Variants in ANKS1B observed in about 807,000 individuals in gnomAD.
ANKS1B encodes the protein ankyrin repeat and sterile alpha motif domain containing 1B.
In ANKS1B, 36 loss-of-function variants were observed where a neutral mutation model predicts 148.3. The ratio of observed to expected loss-of-function variants is 0.24; its 90% CI spans 0.19 to 0.32. The LOEUF (loss-of-function observed/expected upper bound fraction) is 0.32, where lower values mean the gene tolerates loss of function less well. ANKS1B is among the 10% of genes least tolerant of loss of function. The pLI, the probability that ANKS1B is intolerant of heterozygous loss-of-function variation, is 1.00. For missense variants in ANKS1B, 1,157 were observed against 1,542.6 expected (o/e 0.75, Z 4.19); for synonymous variants, 542 against 560.8 (o/e 0.97, Z 0.47).
intron 14 of ANKS1B, chr12:99,155,210 T>C: frequency 8.8e-7 from 1 of 1,133,562 alleles, no homozygotes; most frequent in Non-Finnish European, 1.2e-6. Flanking sequence ...CTTTCCTGTC[T>C]TTTCTTCTTC....
intron 17 of ANKS1B, among the ~76,000 whole-genome samples, chr12:98,952,641 G>A (rs926428544): frequency 1.3e-5 from 2 of 151,974 alleles, no homozygotes; most frequent in African/African-American, 4.8e-5. Context: ...CTTACCTAAC[G>A]TCTTTGCCTA....
intron 17 of ANKS1B, among the ~76,000 whole-genome samples, chr12:98,848,704 G>A (rs201366): frequency 0.88 from 111,941 of 127,364 alleles, 49,363 homozygotes; most frequent in East Asian, 0.99. Context: ...AATTATAGGT[G>A]CATGCCACCA....
At chr12:99,327,249 T>A (rs2086561569) in intron 12 of ANKS1B, among the ~76,000 whole-genome samples, 1 of 110,290 alleles carries the variant, frequency 9.1e-6, no homozygotes, top group African/African-American at 3.6e-5. Flanking sequence ...TTATAATTTA[T>A]TATAATTATA....
intron 14 of ANKS1B, among the ~76,000 whole-genome samples, chr12:99,187,463 G>A (rs539820258): frequency 5.3e-4 from 81 of 152,254 alleles, no homozygotes; most frequent in Admixed American, 2.0e-3. Context: ...TACCCACAAA[G>A]GGAATCTGAT....
chr12:99,113,795 T>G (rs141626467), intron 15 of ANKS1B, among the ~76,000 whole-genome samples: 5 of 152,320 alleles, frequency 3.3e-5, no homozygotes, highest in Admixed American at 1.3e-4. Flanking sequence ...GTGAAACTCT[T>G]ATTTTTAAAG....
Position 99,072,979 on chromosome 12 carries a change from G to A in ANKS1B, c.2625+11946C>T, listed in dbSNP as rs567298633. Among the ~76,000 whole-genome samples the A allele has an allele frequency of 1.1e-4, 16 of 152,222 alleles. No individual in the cohort carries two copies. In the East Asian group the frequency reaches 2.5e-3, roughly 24 times the overall value. ...TAAAAGGAGATACATTTTGCTTACC[G>A]TTTATGCCTGGAGTCGTAATTTTCA... On this transcript the variant is annotated intron_variant, in intron 16 of 26. Coordinates refer to ENST00000683438, the MANE Select transcript of ANKS1B (RefSeq NM_001352186.2).
At chr12:99,501,379 C>T (rs969387597) in intron 10 of ANKS1B, among the ~76,000 whole-genome samples, 1 of 152,074 alleles carries the variant, frequency 6.6e-6, no homozygotes, top group Admixed American at 6.6e-5. Flanking sequence ...ATATTTCTCT[C>T]CAGAGGGATT....
At chr12:99,682,351 A>G (rs754058892) in intron 8 of ANKS1B, among the ~76,000 whole-genome samples, 5 of 152,206 alleles carry the variant, frequency 3.3e-5, no homozygotes, top group Non-Finnish European at 5.9e-5. Flanking sequence ...AAGATAGACC[A>G]TATATGATAG....
chr12:99,699,848 G>A lies in ANKS1B; in HGVS notation c.1129-44638C>T, dbSNP rs535371354. Among the ~76,000 whole-genome samples, 3 of 152,296 alleles carry A rather than the reference G, an allele frequency of 2.0e-5. No individual in the cohort carries two copies. In the South Asian group the frequency reaches 6.2e-4, roughly 32 times the overall value. ...AATTCAGAGAAATCTTTGCCTTCAA[G>A]CATATTTAAAATAAGCTGTTTGCAT... On this transcript the variant is annotated intron_variant, in intron 8 of 26. Transcript: ENST00000683438.
intron 22 of ANKS1B, among the ~76,000 whole-genome samples, chr12:98,793,247 G>A (rs1008759278): frequency 6.6e-6 from 1 of 152,252 alleles, no homozygotes; most frequent in Non-Finnish European, 1.5e-5. Flanking sequence ...TAATGATATT[G>A]AGCATTTTTT....
At chr12:98,858,899 G>C (rs370408518) in intron 17 of ANKS1B, among the ~76,000 whole-genome samples, 1 of 152,116 alleles carries the variant, frequency 6.6e-6, no homozygotes, top group South Asian at 2.1e-4. Context: ...TTTGTTCTCT[G>C]TAAAATGAGA....
At chr12:99,108,502 A>T (rs2059667184) in intron 15 of ANKS1B, among the ~76,000 whole-genome samples, 1 of 152,230 alleles carries the variant, frequency 6.6e-6, no homozygotes, top group African/African-American at 2.4e-5. Context: ...GTTCATAAAT[A>T]ACATTCAGCA....
At chr12:99,245,501 C>T (rs2153968916) in intron 13 of ANKS1B, among the ~76,000 whole-genome samples, 1 of 152,240 alleles carries the variant, frequency 6.6e-6, no homozygotes, top group Non-Finnish European at 1.5e-5. Flanking sequence ...GTTTGTTCAC[C>T]CTGAAACAGA....
intron 9 of ANKS1B, among the ~76,000 whole-genome samples, chr12:99,596,251 C>T (rs2097757609): frequency 6.6e-6 from 1 of 151,790 alleles, no homozygotes; most frequent in Admixed American, 6.6e-5. Context: ...CTAAAGGCTC[C>T]AGAGAAGGAT....
At chr12:99,432,075 T>C (rs2095383824) in intron 11 of ANKS1B, among the ~76,000 whole-genome samples, 1 of 152,218 alleles carries the variant, frequency 6.6e-6, no homozygotes, top group South Asian at 2.1e-4. Context: ...GTTTTGCCTC[T>C]TCACATGTTT....
At chr12:99,530,324 C>T (rs896064871) in intron 9 of ANKS1B, among the ~76,000 whole-genome samples, 2 of 152,188 alleles carry the variant, frequency 1.3e-5, no homozygotes, top group Non-Finnish European at 2.9e-5. Flanking sequence ...CAAGCGAGTT[C>T]TTTATTGCTA....
At chr12:99,154,234 C>A in intron 15 of ANKS1B, 55 bp downstream of exon 15, 1 of 1,603,762 alleles carries the variant, frequency 6.2e-7, no homozygotes, top group Non-Finnish European at 8.5e-7. Flanking sequence ...ATGTAAGACA[C>A]ATAAGAAGCA....
At chr12:99,868,447 T>C (rs898977163) in intron 1 of ANKS1B, among the ~76,000 whole-genome samples, 8 of 152,116 alleles carry the variant, frequency 5.3e-5, no homozygotes, top group Admixed American at 2.0e-4. Flanking sequence ...ACTAACACCA[T>C]TGTTCTTCAA....
chr12:99,131,398 T>A (rs2066043772), intron 15 of ANKS1B, among the ~76,000 whole-genome samples: 1 of 152,200 alleles, frequency 6.6e-6, no homozygotes, highest in South Asian at 2.1e-4. Flanking sequence ...GAGCAATATA[T>A]GCTGAAGCCT....
Sources: allele counts gnomAD v4.1 joint callset (sites outside exome capture counted in the v4.1 genomes callset), GRCh38; gene constraint gnomAD v4.1.1; transcripts MANE v1.5; gene names NCBI Gene and HGNC (gene_info 2026-07-23, HGNC 2026-07-21).